ZNF536: variants seen among roughly 807,000 people sequenced by gnomAD.
ZNF536 encodes zinc finger protein 536.
In ZNF536, 13 loss-of-function variants were observed where a neutral mutation model predicts 84.5. The observed-to-expected ratio is 0.15, with a 90% CI of 0.10 to 0.24. ZNF536 has a LOEUF of 0.24. Ranked by LOEUF, ZNF536 falls within the 10% of genes least tolerant of loss-of-function variation. The pLI is 1.00. For synonymous variants in ZNF536, 811 were observed against 742.5 expected (o/e 1.09, Z -1.50); for missense variants, 1,536 against 1,747.5 (o/e 0.88, Z 2.16).
chr19:30,645,889 G>A (rs1018948458), intron 1 of ZNF536, among the ~76,000 whole-genome samples: 5 of 152,114 alleles, frequency 3.3e-5, no homozygotes, highest in African/African-American at 4.8e-5. Context: ...GAAACTATTC[G>A]TTTGGCGAAC....
At chr19:30,555,563 C>T (rs542175477) in intron 4 of ZNF536, 1 of 152,326 alleles carries the variant, frequency 6.6e-6, no homozygotes, top group Non-Finnish European at 1.5e-5. Flanking sequence ...CATTCTCTTC[C>T]TGATACCAGG....
At position 30,288,822 on chromosome 19, in the gene ZNF536, C is replaced by G. The variant is rs554823847; in HGVS notation, c.-120+4681C>G. 2.6e-5 allele frequency among the ~76,000 whole-genome samples: 4 copies of G among 152,328 alleles called. No homozygotes were observed. The East Asian group carries it at 7.7e-4, about 29-fold the overall frequency. On this transcript the variant is annotated intron_variant, in intron 2 of 5. Coordinates refer to the ZNF536 transcript ENST00000585628. ...ACAAGCATGGCACCGTTGTTATTTT[C>G]ATTTCCTCTATTCCATCATCCTTCC...
At chr19:30,451,438 C>A (rs1486140915) in intron 2 of ZNF536, among the ~76,000 whole-genome samples, 1 of 152,228 alleles carries the variant, frequency 6.6e-6, no homozygotes, top group Non-Finnish European at 1.5e-5. Context: ...AGTAACACTT[C>A]GGGGCTTTTA....
chr19:30,688,878 C>G (rs2051300927), intron 1 of ZNF536, among the ~76,000 whole-genome samples: 2 of 152,194 alleles, frequency 1.3e-5, no homozygotes, highest in Admixed American at 1.3e-4. Context: ...TGGTAGCGCT[C>G]TGGGCTGGAG....
intron 2 of ZNF536, among the ~76,000 whole-genome samples, chr19:30,521,520 A>T (rs1308762474): frequency 1.3e-5 from 2 of 152,146 alleles, no homozygotes; most frequent in Non-Finnish European, 2.9e-5. Context: ...CAAGAAAAAC[A>T]AGCAAACTTG....
At chr19:30,577,536 T>C (rs140316881) in intron 1 of ZNF536, among the ~76,000 whole-genome samples, 1 of 152,346 alleles carries the variant, frequency 6.6e-6, no homozygotes, top group African/African-American at 2.4e-5. Context: ...GTATTGCAGA[T>C]TTAAAGCGCG....
chr19:30,315,125 C>T (rs2046636532), intron 2 of ZNF536, among the ~76,000 whole-genome samples: 1 of 152,188 alleles, frequency 6.6e-6, no homozygotes, highest in Non-Finnish European at 1.5e-5. Flanking sequence ...AATCTCATGC[C>T]TTTTGTTCTC....
intron 1 of ZNF536, among the ~76,000 whole-genome samples, chr19:30,390,692 G>A (rs1257932502): frequency 6.6e-6 from 1 of 152,150 alleles, no homozygotes; most frequent in Non-Finnish European, 1.5e-5. Flanking sequence ...ACAGTCCATG[G>A]CAAAGTCAGG....
intron 2 of ZNF536, among the ~76,000 whole-genome samples, chr19:30,532,776 C>T (rs891005261): frequency 2.0e-5 from 3 of 152,170 alleles, no homozygotes; most frequent in Non-Finnish European, 4.4e-5. Context: ...TGACATCTAG[C>T]CATCACTCCT....
At chr19:30,308,127 G>C (rs2046395061) in intron 2 of ZNF536, among the ~76,000 whole-genome samples, 1 of 152,212 alleles carries the variant, frequency 6.6e-6, no homozygotes, top group African/African-American at 2.4e-5. Flanking sequence ...TCTCAAGGGA[G>C]GTGTCAGCCC....
At chr19:30,269,421 G>C (rs1039444761) in intron 1 of ZNF536, among the ~76,000 whole-genome samples, 1 of 152,092 alleles carries the variant, frequency 6.6e-6, no homozygotes, top group Non-Finnish European at 1.5e-5. Context: ...AGGCAGGGAG[G>C]GGGAGAGAAT....
chr19:30,428,909 G>A (rs2051328255), intron 1 of ZNF536, among the ~76,000 whole-genome samples: 1 of 152,212 alleles, frequency 6.6e-6, no homozygotes, highest in South Asian at 2.1e-4. Context: ...GTCCCTCCCT[G>A]TCAGGTGGGC....
At chr19:30,403,761 T>C (rs539502877) in intron 1 of ZNF536, among the ~76,000 whole-genome samples, 3 of 152,286 alleles carry the variant, frequency 2.0e-5, no homozygotes, top group Non-Finnish European at 4.4e-5. Flanking sequence ...GTCCAGCTGC[T>C]CTTTGTCCCT....
At chr19:30,694,985 C>A (rs1011612934) in intron 1 of ZNF536, among the ~76,000 whole-genome samples, 4 of 152,322 alleles carry the variant, frequency 2.6e-5, no homozygotes, top group African/African-American at 9.6e-5. Context: ...CCCAGTATGT[C>A]AAGGTGCACC....
chr19:30,252,306 T>G (rs902232994), intron 1 of ZNF536, among the ~76,000 whole-genome samples: 8 of 152,304 alleles, frequency 5.3e-5, no homozygotes, highest in Admixed American at 2.6e-4. Flanking sequence ...AAAAATATCT[T>G]CTATTCTCCA....
chr19:30,412,343 G>T (rs955068297), intron 1 of ZNF536, among the ~76,000 whole-genome samples: 4 of 151,888 alleles, frequency 2.6e-5, no homozygotes, highest in African/African-American at 9.7e-5. Context: ...CATAATGTGT[G>T]ATTTGGCCAT....
intron 1 of ZNF536, among the ~76,000 whole-genome samples, chr19:30,407,913 T>G (rs1790387163): frequency 6.6e-6 from 1 of 152,192 alleles, no homozygotes; most frequent in South Asian, 2.1e-4. Context: ...GGGACTGGGC[T>G]CCTTGTCTTT....
At chr19:30,259,533 T>C (rs2025087309) in intron 1 of ZNF536, among the ~76,000 whole-genome samples, 1 of 152,160 alleles carries the variant, frequency 6.6e-6, no homozygotes, top group Admixed American at 6.5e-5. Context: ...GTCCTCTAGG[T>C]GACTCTGATG....
intron 2 of ZNF536, among the ~76,000 whole-genome samples, chr19:30,500,303 G>A (rs1195519408): frequency 6.6e-6 from 1 of 152,128 alleles, no homozygotes; most frequent in Non-Finnish European, 1.5e-5. Flanking sequence ...ATGAATGTGG[G>A]TCTCACAACC....
Sources: gnomAD v4.1 joint callset for allele counts (sites outside exome capture counted in the v4.1 genomes callset) on GRCh38, gnomAD v4.1.1 for gene constraint, MANE v1.5 for transcripts, NCBI Gene and HGNC (gene_info 2026-07-23, HGNC 2026-07-21) for gene names.